Variants in KCNN2 observed in about 807,000 individuals in gnomAD.
The protein encoded by KCNN2 is potassium calcium-activated channel subfamily N member 2, also known as small conductance calcium-activated potassium channel protein 2.
KCNN2 carries 24 observed loss-of-function variants against 55.5 expected under a neutral mutation model. The observed-to-expected ratio is 0.43, with a 90% CI of 0.31 to 0.61. The LOEUF is 0.61. Ranked by LOEUF, KCNN2 falls within the 20% of genes least tolerant of loss-of-function variation. The pLI is 0.08. For synonymous variants in KCNN2, 431 were observed against 336.1 expected, an observed-to-expected ratio of 1.28 and a Z score of -3.09; for missense variants, 754 against 853.6, an observed-to-expected ratio of 0.88 and a Z score of 1.45.
chr5:114,368,528 T>C (rs1170582462), intron 2 of KCNN2, among the ~76,000 whole-genome samples: 1 of 152,152 alleles, frequency 6.6e-6, no homozygotes, highest in East Asian at 1.9e-4. Flanking sequence ...TGGTTTGCTA[T>C]GTGAAGGCTC....
intron 2 of KCNN2, among the ~76,000 whole-genome samples, chr5:114,377,373 A>T (rs997807842): frequency 1.3e-5 from 2 of 152,176 alleles, no homozygotes; most frequent in South Asian, 4.1e-4. Flanking sequence ...GTGCATCATT[A>T]TGATTGGAGG....
At chr5:114,235,552 A>T (rs1754472659) in intron 2 of KCNN2, among the ~76,000 whole-genome samples, 1 of 152,222 alleles carries the variant, frequency 6.6e-6, no homozygotes, top group Non-Finnish European at 1.5e-5. Flanking sequence ...GTTTAGAACT[A>T]TACATTAGCA....
intron 1 of KCNN2, among the ~76,000 whole-genome samples, chr5:114,135,170 G>T (rs1752150152): frequency 6.6e-6 from 1 of 151,958 alleles, no homozygotes; most frequent in African/African-American, 2.4e-5. Context: ...AATTTGCACA[G>T]AAGGTCCCCA....
chr5:114,392,165 A>C (rs1437591256), intron 2 of KCNN2, among the ~76,000 whole-genome samples: 1 of 152,192 alleles, frequency 6.6e-6, no homozygotes. Flanking sequence ...TGGGTTAGCC[A>C]CTTGATAGTG....
chr5:114,387,277 A>G lies in KCNN2; in HGVS notation c.1219-17161A>G, dbSNP rs748836488. Among the ~76,000 whole-genome samples the G allele has an allele frequency of 1.1e-4, 16 of 152,162 alleles. No individual in the cohort carries two copies. The East Asian group carries it at 1.2e-3, about 11-fold the overall frequency. On this transcript the variant is annotated intron_variant, in intron 2 of 7. Coordinates refer to ENST00000673685, the MANE Select transcript of KCNN2 (RefSeq NM_021614.4). ...ATCACTGGCATGGCTGCTTGTGACA[A>G]ACTTGCCACTTAATGTCTATTTTGT...
chr5:114,085,365 C>G (rs1750993062), intron 1 of KCNN2, among the ~76,000 whole-genome samples: 1 of 151,870 alleles, frequency 6.6e-6, no homozygotes. Flanking sequence ...TTTAATTGCT[C>G]TCACTAGTTT....
Position 114,363,159 on chromosome 5 carries a change from C to T in KCNN2, c.1020C>T (p.Phe340=), listed in dbSNP as rs754896683. 2 of 1,613,546 alleles carry T rather than the reference C, an allele frequency of 1.2e-6. No homozygotes were observed. Among genetic ancestry groups the T allele is most frequent in the East Asian group, 2.2e-5 (1 of 44,870 alleles). ...GYKLGHRRAL[F]EKRKRLSDYA... The stretch of plus-strand genomic sequence containing the variant: ...AGCTGGGCCACCGGCGCGCCCTGTT[C>T]GAAAAGCGCAAGCGGCTCAGCGACT... Residue 340 remains phenylalanine (F), a synonymous_variant, in exon 1 of 8, where the codon TTC becomes TTT. Transcript: ENST00000673685.
intron 1 of KCNN2, among the ~76,000 whole-genome samples, chr5:114,158,129 G>T: frequency 6.6e-6 from 1 of 151,948 alleles, no homozygotes. Flanking sequence ...GGGTTTTTAT[G>T]GTTTTAGGTC....
chr5:114,355,916 C>T (rs903582845), intron 2 of KCNN2, among the ~76,000 whole-genome samples: 2 of 152,110 alleles, frequency 1.3e-5, no homozygotes, highest in African/African-American at 4.8e-5. Context: ...GCATATAGCA[C>T]TGCTATTTCA....
chr5:114,114,315 A>T (rs985555053), intron 1 of KCNN2, among the ~76,000 whole-genome samples: 1 of 152,098 alleles, frequency 6.6e-6, no homozygotes, highest in African/African-American at 2.4e-5. Flanking sequence ...TGTAACCATG[A>T]ACTCCTGGGC....
At chr5:114,074,609 C>T (rs949166372) in intron 1 of KCNN2, among the ~76,000 whole-genome samples, 5 of 152,074 alleles carry the variant, frequency 3.3e-5, no homozygotes, top group African/African-American at 1.2e-4. Context: ...TGTGTTCAGC[C>T]CCTCCACTCT....
intron 2 of KCNN2, among the ~76,000 whole-genome samples, chr5:114,269,960 A>G (rs1442373177): frequency 1.3e-5 from 2 of 152,172 alleles, no homozygotes; most frequent in Non-Finnish European, 2.9e-5. Context: ...TGTCCTGATT[A>G]GTGTGTTTTC....
At chr5:114,327,080 C>A (rs1367012250) in intron 2 of KCNN2, among the ~76,000 whole-genome samples, 3 of 152,096 alleles carry the variant, frequency 2.0e-5, no homozygotes, top group African/African-American at 7.2e-5. Context: ...AAACAGGAAA[C>A]AAAAACAATG....
chr5:114,057,209 G>T (rs1439937661), intron 1 of KCNN2: 1 of 152,168 alleles, frequency 6.6e-6, no homozygotes, highest in African/African-American at 2.4e-5. Flanking sequence ...GCCATGGGTA[G>T]TTAAAACAAA....
chr5:114,326,609 A>G (rs976873962), intron 2 of KCNN2, among the ~76,000 whole-genome samples: 1 of 152,132 alleles, frequency 6.6e-6, no homozygotes, highest in Admixed American at 6.5e-5. Context: ...TTGCCACACC[A>G]TGGTTAGAAT....
At chr5:114,208,645 G>A (rs192721217) in intron 1 of KCNN2, among the ~76,000 whole-genome samples, 20 of 152,202 alleles carry the variant, frequency 1.3e-4, no homozygotes, top group Admixed American at 1.3e-3. Flanking sequence ...TGAAGCTCAG[G>A]TATATGATTC....
intron 2 of KCNN2, among the ~76,000 whole-genome samples, chr5:114,398,042 A>G (rs568626464): frequency 3.9e-5 from 6 of 152,138 alleles, no homozygotes; most frequent in Admixed American, 3.3e-4. Context: ...ATTAGGTCCC[A>G]TTTGTCAATT....
At chr5:114,352,291 A>G (rs907318137) in intron 2 of KCNN2, among the ~76,000 whole-genome samples, 36 of 151,524 alleles carry the variant, frequency 2.4e-4, no homozygotes, top group Non-Finnish European at 1.5e-5. Context: ...GATTTTAGTA[A>G]TATGCTCTTC....
chr5:114,258,903 C>G (rs1195541875), intron 2 of KCNN2, among the ~76,000 whole-genome samples: 1 of 152,194 alleles, frequency 6.6e-6, no homozygotes, highest in Non-Finnish European at 1.5e-5. Context: ...GGATGGGGGT[C>G]TCACTTTTCA....
Sources: allele counts gnomAD v4.1 joint callset (sites outside exome capture counted in the v4.1 genomes callset), GRCh38; gene constraint gnomAD v4.1.1; transcripts MANE v1.5; gene names NCBI Gene and HGNC (gene_info 2026-07-23, HGNC 2026-07-21).